The following ESR1 variants were observed in gnomAD, a reference collection of about 807,000 sequenced individuals.
ESR1 encodes estrogen receptor.
Under a neutral mutation model 52.7 loss-of-function variants are expected in ESR1, and 12 were observed. The observed-to-expected ratio is 0.23, with a 90% CI of 0.15 to 0.37. The LOEUF (loss-of-function observed/expected upper bound fraction) is 0.37, where lower values mean the gene tolerates loss of function less well. ESR1 is among the 10% of genes least tolerant of loss of function. The probability of loss-of-function intolerance (pLI) is 1.00; values close to 1 mark genes in which losing one functional copy is unlikely to be tolerated. For missense variants in ESR1, 584 were observed against 779.7 expected, an observed-to-expected ratio of 0.75 and a Z score of 2.99; for synonymous variants, 305 against 316.8, an observed-to-expected ratio of 0.96 and a Z score of 0.39.
intron 4 of ESR1, among the ~76,000 whole-genome samples, chr6:151,988,102 A>G (rs2040665393): frequency 1.3e-5 from 2 of 152,094 alleles, no homozygotes; most frequent in Non-Finnish European, 2.9e-5. Flanking sequence ...TGATTCCAGG[A>G]TGATTCAGGT....
At chr6:151,931,118 A>G (rs369930966) in intron 3 of ESR1, among the ~76,000 whole-genome samples, 12 of 151,950 alleles carry the variant, frequency 7.9e-5, no homozygotes, top group Admixed American at 5.9e-4. Context: ...GTTCTCAGCC[A>G]TTACTACCTC....
intron 6 of ESR1, among the ~76,000 whole-genome samples, chr6:152,091,652 G>T (rs573889270): frequency 6.6e-6 from 1 of 152,090 alleles, no homozygotes; most frequent in African/African-American, 2.4e-5. Context: ...CCCAGAGGCC[G>T]AGTGCCATGT....
intron 4 of ESR1, among the ~76,000 whole-genome samples, chr6:151,965,570 C>T (rs985695): frequency 0.23 from 35,328 of 151,980 alleles, 5,090 homozygotes; most frequent in African/African-American, 0.41. Flanking sequence ...CTTTCACTTT[C>T]CTACCCTCTA....
chr6:152,125,096 A>T (rs1409148494), intron 6 of ESR1, among the ~76,000 whole-genome samples: 1 of 152,188 alleles, frequency 6.6e-6, no homozygotes, highest in Non-Finnish European at 1.5e-5. Context: ...GAACCTGGAG[A>T]CTCTAGACAG....
In ESR1 at chr6:152,086,353, G is replaced by T. The variant is rs1486178391; in HGVS notation, c.1370-8032G>T. ...TAGGCTATAATATTTTATTACAAAGGCTATATTTATTACAAAATGTATTTA... is the reference window on the plus strand; with the variant it reads ...TAGGCTATAATATTTTATTACAAAGTCTATATTTATTACAAAATGTATTTA... On this transcript the variant is annotated intron_variant, in intron 6 of 7. Coordinates refer to ENST00000206249, the MANE Select transcript of ESR1 (RefSeq NM_000125.4). Among the ~76,000 whole-genome samples, 4 of 149,168 alleles carry T rather than the reference G, an allele frequency of 2.7e-5. No homozygotes were observed. The East Asian group carries it at 5.9e-4, about 22-fold the overall frequency.
intron 2 of ESR1, among the ~76,000 whole-genome samples, chr6:151,792,901 G>A (rs190505654): frequency 2.3e-3 from 350 of 152,084 alleles, no homozygotes; most frequent in Admixed American, 4.4e-3. Flanking sequence ...CTGAGTGCGG[G>A]GGCTCACGCC....
intron 4 of ESR1, among the ~76,000 whole-genome samples, chr6:151,989,274 A>C (rs2040797135): frequency 6.6e-6 from 1 of 152,100 alleles, no homozygotes; most frequent in Non-Finnish European, 1.5e-5. Flanking sequence ...TCTAGTTGAT[A>C]AAAAATTTCA....
chr6:151,995,470 G>T (rs1405761321), intron 4 of ESR1, among the ~76,000 whole-genome samples: 1 of 152,110 alleles, frequency 6.6e-6, no homozygotes, highest in Non-Finnish European at 1.5e-5. Flanking sequence ...CTAGGGACAT[G>T]AACTAATGGT....
chr6:151,872,356 T>A (rs914308605), intron 2 of ESR1, among the ~76,000 whole-genome samples: 3 of 152,330 alleles, frequency 2.0e-5, no homozygotes, highest in African/African-American at 7.2e-5. Flanking sequence ...CCTGGCACAA[T>A]CTATTAGAAT....
At chr6:151,970,058 A>G (rs2038743768) in intron 4 of ESR1, among the ~76,000 whole-genome samples, 1 of 151,594 alleles carries the variant, frequency 6.6e-6, no homozygotes, top group Admixed American at 6.6e-5. Flanking sequence ...TAGACGCTTC[A>G]CCTTCCCGTT....
intron 3 of ESR1, among the ~76,000 whole-genome samples, chr6:151,910,058 C>CT (rs1295150370): frequency 6.6e-6 from 1 of 151,200 alleles, no homozygotes; most frequent in East Asian, 1.9e-4. Flanking sequence ...CAGTACCACC[C>CT]TTTTTATCTC....
intron 4 of ESR1, among the ~76,000 whole-genome samples, chr6:151,968,737 C>T (rs1186563033): frequency 3.3e-5 from 5 of 152,218 alleles, no homozygotes; most frequent in South Asian, 2.1e-4. Flanking sequence ...CTACACTGGG[C>T]GAGCTGATCT....
intron 5 of ESR1, among the ~76,000 whole-genome samples, chr6:152,014,551 C>A (rs376732625): frequency 3.9e-5 from 6 of 152,136 alleles, no homozygotes; most frequent in Admixed American, 3.9e-4. Context: ...GTCTTGGTGA[C>A]ATCAACACTC....
At chr6:151,943,747 A>G (rs143288887) in intron 3 of ESR1, among the ~76,000 whole-genome samples, 3 of 152,356 alleles carry the variant, frequency 2.0e-5, no homozygotes, top group Non-Finnish European at 2.9e-5. Flanking sequence ...CTTGGATGCT[A>G]AATTCTATTT....
At chr6:151,761,299 T>C (rs1784641871) in intron 2 of ESR1, among the ~76,000 whole-genome samples, 1 of 152,072 alleles carries the variant, frequency 6.6e-6, no homozygotes, top group Non-Finnish European at 1.5e-5. Flanking sequence ...AAGAAAATAA[T>C]AATCATTCTC....
At chr6:151,915,202 A>C (rs1443408062) in intron 3 of ESR1, among the ~76,000 whole-genome samples, 1 of 152,206 alleles carries the variant, frequency 6.6e-6, no homozygotes, top group Admixed American at 6.5e-5. Context: ...TCAAAAAAAA[A>C]AAAGGTGAAA....
At chr6:152,072,232 A>T (rs12055837) in intron 6 of ESR1, among the ~76,000 whole-genome samples, 31,209 of 152,056 alleles carry the variant, frequency 0.21, 4,414 homozygotes, top group African/African-American at 0.39. Context: ...TGTTATGTTC[A>T]TTTTAAGTTT....
chr6:151,677,391 C>T (rs1192875020), intron 1 of ESR1, among the ~76,000 whole-genome samples: 1 of 152,114 alleles, frequency 6.6e-6, no homozygotes, highest in Non-Finnish European at 1.5e-5. Flanking sequence ...ATTTTTAAGG[C>T]AAGAAGAGAG....
intron 6 of ESR1, among the ~76,000 whole-genome samples, chr6:152,081,309 G>T (rs971731143): frequency 5.3e-5 from 8 of 151,954 alleles, no homozygotes; most frequent in African/African-American, 1.9e-4. Context: ...TTAGAACTCA[G>T]GATTAAGAAA....
Sources: allele counts gnomAD v4.1 joint callset (sites outside exome capture counted in the v4.1 genomes callset), GRCh38; gene constraint gnomAD v4.1.1; transcripts MANE v1.5; gene names NCBI Gene and HGNC (gene_info 2026-07-23, HGNC 2026-07-21).